Variants in UBXN1 observed in about 807,000 individuals in gnomAD.
UBXN1 encodes UBX domain protein 1.
In UBXN1, 21 loss-of-function variants were observed where a neutral mutation model predicts 42.0. The ratio of observed to expected loss-of-function variants is 0.50; its 90% CI spans 0.35 to 0.72. UBXN1 has a LOEUF of 0.72. Ranked by LOEUF, UBXN1 falls within the 30% of genes least tolerant of loss-of-function variation. The probability of loss-of-function intolerance (pLI) is 0.00; values close to 1 mark genes in which losing one functional copy is unlikely to be tolerated. For synonymous variants in UBXN1, 172 were observed against 142.6 expected (o/e 1.21, Z -1.47); for missense variants, 374 against 382.2 (o/e 0.98, Z 0.18).
rs532170857 is a variant in UBXN1, at chr11:62,678,061, C to T, written c.348G>A (p.Glu116=). Residue 116 remains glutamate, a synonymous_variant, in exon 5 of 9, where the codon GAG becomes GAA. Coordinates refer to ENST00000301935, the MANE Select transcript of UBXN1 (RefSeq NM_001286077.2). The part of the protein sequence containing the change: ...QREREEREER[E]ALERERQRRR... ...TGCGCTGCCGTTCCCGTTCCAATGC[C>T]TCCCGTTCCTCTCTTTCTTCACGCT... 65 of 1,614,176 alleles carry T rather than the reference C, an allele frequency of 4.0e-5. No individual in the cohort carries two copies. Among genetic ancestry groups the T allele is most frequent in the Non-Finnish European group, 4.7e-5 (56 of 1,180,042 alleles).
chr11:62,678,684 G>A lies in UBXN1; in HGVS notation c.113+6C>T. On this transcript the variant is annotated splice_donor_region_variant and intron_variant, in intron 2 of 8. Transcript: ENST00000301935. ...CAATTCTCCGCCACCCGGGACGAGCGCTTACCAGTCCATCGCAGCCTCGAT... is the reference window on the plus strand; with the variant it reads ...CAATTCTCCGCCACCCGGGACGAGCACTTACCAGTCCATCGCAGCCTCGAT... The A allele has an allele frequency of 1.3e-6, 2 of 1,591,426 alleles. No homozygotes were observed. Among genetic ancestry groups the A allele is most frequent in the Non-Finnish European group, 1.7e-6 (2 of 1,168,378 alleles).
At position 62,676,898 on chromosome 11, in the gene UBXN1, C is replaced by A. The variant is rs1299809501; in HGVS notation, c.759G>T (p.Gly253=). The change falls in exon 8 of 9, where the codon GGG becomes GGT. Residue 253 remains glycine, a synonymous_variant. Transcript: ENST00000301935. ...VELHRGEELG[G]GQDPVQLLSG... ...TGAGCAATTGCACAGGGTCCTGGCC[C>A]CCACCTAGTTCCTCCCCACGGTGGA... 2 of 1,613,814 alleles carry A rather than the reference C, an allele frequency of 1.2e-6. No individual in the cohort carries two copies. Among genetic ancestry groups the A allele is most frequent in the African/African-American group, 2.7e-5 (2 of 74,908 alleles).
Position 62,676,594 on chromosome 11 carries a change from C to T in UBXN1, c.890G>A (p.Ser297Asn). 2 of 1,605,698 alleles carry T rather than the reference C, an allele frequency of 1.2e-6. No homozygotes were observed. Among genetic ancestry groups the T allele is most frequent in the Non-Finnish European group, 1.7e-6 (2 of 1,177,324 alleles). ...AVLIVAKKCP[S>N] ...GGGACAATGGGACAAAGGCCCTCAG[C>T]TGGGACATTTCTTGGCCACAATGAG... The change falls in exon 9 of 9, where the codon AGC becomes AAC. Residue 297 changes from serine to asparagine, a missense_variant. Physicochemically the swap from Ser to Asn is conservative, Grantham distance 46. Coordinates refer to ENST00000301935, the MANE Select transcript of UBXN1 (RefSeq NM_001286077.2).
In UBXN1 at chr11:62,678,977, G is replaced by C. The variant is rs1945095195; in HGVS notation, c.-54C>G. On this transcript the variant is annotated 5_prime_UTR_variant, in exon 1 of 9. Coordinates refer to ENST00000301935, the MANE Select transcript of UBXN1 (RefSeq NM_001286077.2). ...CCTGGTGTGTGACGAGAAGGAGGGC[G>C]GGAAGGGTCAGCGCGAGGCAACCCG... is the stretch of plus-strand genomic sequence containing the variant. 1 of 1,536,898 alleles carries C rather than the reference G, an allele frequency of 6.5e-7. No individual in the cohort carries two copies. The highest frequency in any genetic ancestry group is 1.4e-5 in the African/African-American group (1 of 73,066).
In UBXN1 at chr11:62,678,847, G is replaced by C; in HGVS notation, c.59+18C>G. The C allele has an allele frequency of 6.2e-7, 1 of 1,608,212 alleles. No homozygotes were observed. Among genetic ancestry groups the C allele is most frequent in the Non-Finnish European group, 8.5e-7 (1 of 1,178,266 alleles). ...CGACCCCCCACACCCGCAGGCCGGG[G>C]TTGGGGAACTCCCTTACGCGCGTCC... On this transcript the variant is annotated intron_variant, in intron 1 of 8. Coordinates refer to ENST00000301935, the MANE Select transcript of UBXN1 (RefSeq NM_001286077.2).
Position 62,678,730 on chromosome 11 carries a change from C to A in UBXN1, c.73G>T (p.Ala25Ser). 6.5e-7 allele frequency: 1 copy of A among 1,538,508 alleles called. No homozygotes were observed. Among genetic ancestry groups the A allele is most frequent in the East Asian group, 2.6e-5 (1 of 38,538 alleles). ...TCGATGCCCTGGTTCCCTGTGAGGG[C>A]CAGAGCCTTCTCCCTGGGGGCAGAA... The part of the protein sequence containing the change: ...FPRGRAEKAL[A>S]LTGNQGIEAA... The change falls in exon 2 of 9, where the codon GCC becomes TCC. Residue 25 changes from alanine to serine, a missense_variant. Physicochemically the swap from Ala to Ser is moderately conservative, Grantham distance 99. Coordinates refer to ENST00000301935, the MANE Select transcript of UBXN1 (RefSeq NM_001286077.2).
At position 62,678,063 on chromosome 11, in the gene UBXN1, C is replaced by T. The variant is rs1488636523; in HGVS notation, c.346G>A (p.Glu116Lys). The change falls in exon 5 of 9, where the codon GAG becomes AAG. Residue 116 changes from glutamate to lysine, a missense_variant. By Grantham distance (56) the Glu-to-Lys change is moderately conservative (BLOSUM62 1). Coordinates refer to ENST00000301935, the MANE Select transcript of UBXN1 (RefSeq NM_001286077.2). Reference protein sequence around the residue: ...QREREEREEREALERERQRRR... With the variant: ...QREREEREERKALERERQRRR... ...CGCTGCCGTTCCCGTTCCAATGCCT[C>T]CCGTTCCTCTCTTTCTTCACGCTCC... The T allele has an allele frequency of 1.2e-6, 2 of 1,614,156 alleles. No individual in the cohort carries two copies. The highest frequency in any genetic ancestry group is 2.2e-5 in the South Asian group (2 of 91,078).
chr11:62,676,974 T>C lies in UBXN1; in HGVS notation c.683A>G (p.Gln228Arg), dbSNP rs1565134430. The C allele has an allele frequency of 6.2e-7, 1 of 1,611,528 alleles. No homozygotes were observed. The highest frequency in any genetic ancestry group is 8.5e-7 in the Non-Finnish European group (1 of 1,180,016). The change falls in exon 8 of 9, where the codon CAG becomes CGG. Residue 228 changes from glutamine (Q) to arginine (R), a missense_variant. Gln to Arg is a conservative substitution (Grantham distance 43). Transcript: ENST00000301935. The part of the protein sequence containing the change: ...VRLPDGTSLT[Q>R]TFRAREQLAA... ...CAGCTGTTCCCGGGCCCGGAACGTC[T>C]GGGTCAGTGAGGTCCCATCTGGCAG...
Position 62,678,408 on chromosome 11 carries a change from C to T in UBXN1, c.221G>A (p.Gly74Glu), listed in dbSNP as rs777299895. ...GCCTTCTCCGGCAGCAGAACCAGATCCTACAAACAAACAATCGGTATTATT... is the reference window on the plus strand; with the variant it reads ...GCCTTCTCCGGCAGCAGAACCAGATTCTACAAACAAACAATCGGTATTATT... ...PTSSEQGGLE[G>E]SGSAAGEGKP... Residue 74 changes from glycine to glutamate, a missense_variant and splice_region_variant, in exon 4 of 9, where the codon GGA becomes GAA. By Grantham distance (98) the Gly-to-Glu change is moderately conservative. Coordinates refer to ENST00000301935, the MANE Select transcript of UBXN1 (RefSeq NM_001286077.2). 2 of 1,614,136 alleles carry T rather than the reference C, an allele frequency of 1.2e-6. No homozygotes were observed. The highest frequency in any genetic ancestry group is 1.1e-5 in the South Asian group (1 of 91,082).
In UBXN1 at chr11:62,677,314, G is replaced by A. The variant is rs549581505; in HGVS notation, c.651+204C>T. 116 of 644,298 alleles carry A rather than the reference G, an allele frequency of 1.8e-4. 1 individual carries two copies. The highest frequency in any genetic ancestry group is 1.7e-3 in the South Asian group (89 of 52,030). The allele number at this position is 644,298 out of a possible 1,614,324, so 39.9% of individuals were successfully genotyped here. On this transcript the variant is annotated intron_variant, in intron 7 of 8. Transcript: ENST00000301935. ...GAACAAGTAAAAGGGTAACTGCTGA[G>A]TAAGAGAGAGGTATGGGTTTAAATA... is the stretch of plus-strand genomic sequence containing the variant.
rs1945026428 is a variant in UBXN1, at chr11:62,676,837, T to C, written c.820A>G (p.Met274Val). 9.3e-6 allele frequency: 15 copies of C among 1,614,154 alleles called. No homozygotes were observed. The highest frequency in any genetic ancestry group is 1.3e-5 in the Non-Finnish European group (15 of 1,180,018). Residue 274 changes from methionine to valine, a missense_variant, in exon 8 of 9, where the codon ATG (methionine) becomes GTG (valine). By Grantham distance (21) the Met-to-Val change is conservative. Transcript: ENST00000301935. ...FPRRAFSEAD[M>V]ERPLQELGLV... Reference sequence around the variant, plus strand: ...CCCAGCTCCTGCAGAGGCCGCTCCATGTCAGCTTCTGAGAAGGCCCGTCTG... The same window carrying C: ...CCCAGCTCCTGCAGAGGCCGCTCCACGTCAGCTTCTGAGAAGGCCCGTCTG...
intron 1 of UBXN1, 58 bp downstream of exon 1, chr11:62,678,807 G>T: frequency 1.2e-6 from 2 of 1,610,890 alleles, no homozygotes. Context: ...TGGGGCAAAG[G>T]CCGAGACAGG....
rs1227073186 is a variant in UBXN1 at position 62,676,542 on chromosome 11, C to T, written c.*48G>A. The T allele has an allele frequency of 1.3e-6, 2 of 1,544,534 alleles. No homozygotes were observed. The highest frequency in any genetic ancestry group is 8.7e-7 in the Non-Finnish European group (1 of 1,147,046). On this transcript the variant is annotated 3_prime_UTR_variant, in exon 9 of 9. Transcript: ENST00000301935. ...ATTTATTAGGAAGGAGATGTCAGTG[C>T]TTTATCAAAGATGAAGGGGTCACAG...
chr11:62,676,920 T>G lies in UBXN1; in HGVS notation c.737A>C (p.His246Pro), dbSNP rs1050383. Residue 246 changes from histidine (H) to proline (P), a missense_variant, in exon 8 of 9, where the codon CAC becomes CCC. By Grantham distance (77) the His-to-Pro change is moderately conservative (BLOSUM62 -2). Transcript: ENST00000301935. ...GCCCCCACCTAGTTCCTCCCCACGG[T>G]GGAGCTCCACATAGAGCCTCACAGC... Reference protein sequence around the residue: ...LAAVRLYVELHRGEELGGGQD... With the variant: ...LAAVRLYVELPRGEELGGGQD... 6.2e-7 allele frequency: 1 copy of G among 1,613,662 alleles called. No homozygotes were observed. Among genetic ancestry groups the G allele is most frequent in the Non-Finnish European group, 8.5e-7 (1 of 1,180,022 alleles).
chr11:62,676,775 C>G (rs1565134126), intron 8 of UBXN1, 38 bp downstream of exon 8: 1 of 1,614,202 alleles, frequency 6.2e-7, no homozygotes, highest in East Asian at 2.2e-5. Context: ...CCCTACTCCC[C>G]CAGTTTCTAG....
rs761031905 is a variant in UBXN1 at position 62,676,910 on chromosome 11, C to T, written c.747G>A (p.Glu249=). Residue 249 remains glutamate (E), a synonymous_variant, in exon 8 of 9, where the codon GAG becomes GAA. Coordinates refer to ENST00000301935, the MANE Select transcript of UBXN1 (RefSeq NM_001286077.2). ...VRLYVELHRG[E]ELGGGQDPVQ... ...CAGGGTCCTGGCCCCCACCTAGTTCCTCCCCACGGTGGAGCTCCACATAGA... is the reference window on the plus strand; with the variant it reads ...CAGGGTCCTGGCCCCCACCTAGTTCTTCCCCACGGTGGAGCTCCACATAGA... 7 of 1,613,856 alleles carry T rather than the reference C, an allele frequency of 4.3e-6. No individual in the cohort carries two copies. Among genetic ancestry groups the T allele is most frequent in the Non-Finnish European group, 5.9e-6 (7 of 1,180,044 alleles).
chr11:62,679,051 C>A lies in UBXN1; in HGVS notation c.-128G>T. The A allele has an allele frequency of 3.0e-6, 3 of 987,970 alleles. No individual in the cohort carries two copies. The highest frequency in any genetic ancestry group is 4.4e-6 in the Non-Finnish European group (3 of 682,932). The allele number at this position is 987,970 out of a possible 1,614,324, so 61.2% of individuals were successfully genotyped here. A position where few individuals can be genotyped will look rare whatever the true frequency, so the allele number is the denominator to read the frequency against. On this transcript the variant is annotated 5_prime_UTR_variant, in exon 1 of 9. Coordinates refer to ENST00000301935, the MANE Select transcript of UBXN1 (RefSeq NM_001286077.2). Reference sequence around the variant, plus strand: ...CTCGCTCTCTCACCCGGCTCTATAGCAGCCGGGAACACCGACGAGAAGAAA... The same window carrying A: ...CTCGCTCTCTCACCCGGCTCTATAGAAGCCGGGAACACCGACGAGAAGAAA...
At position 62,678,713 on chromosome 11, in the gene UBXN1, C is replaced by G; in HGVS notation, c.90G>C (p.Gln30His). The G allele has an allele frequency of 1.2e-6, 2 of 1,613,158 alleles. No individual in the cohort carries two copies. The highest frequency in any genetic ancestry group is 8.5e-7 in the Non-Finnish European group (1 of 1,179,972). The change falls in exon 2 of 9, where the codon CAG (glutamine) becomes CAC (histidine). Residue 30 changes from glutamine to histidine, a missense_variant. Physicochemically the swap from Gln to His is conservative, Grantham distance 24. Coordinates refer to ENST00000301935, the MANE Select transcript of UBXN1 (RefSeq NM_001286077.2). The part of the protein sequence containing the change: ...AEKALALTGN[Q>H]GIEAAMDWLM... ...ACCAGTCCATCGCAGCCTCGATGCC[C>G]TGGTTCCCTGTGAGGGCCAGAGCCT...
At position 62,676,627 on chromosome 11, in the gene UBXN1, G is replaced by A; in HGVS notation, c.857C>T (p.Ser286Phe). The A allele has an allele frequency of 6.2e-7, 1 of 1,613,698 alleles. No homozygotes were observed. The highest frequency in any genetic ancestry group is 8.5e-7 in the Non-Finnish European group (1 of 1,179,940). ...RPLQELGLVP[S>F]AVLIVAKKCP... is the part of the protein sequence containing the mutation. The stretch of plus-strand genomic sequence containing the variant: ...TTTCTTGGCCACAATGAGAACAGCA[G>A]AAGGCACGAGTCCTGAAGATGGAAG... Residue 286 changes from serine to phenylalanine, a missense_variant, in exon 9 of 9, where the codon TCT becomes TTT. By Grantham distance (155) the Ser-to-Phe change is radical (BLOSUM62 -2). Coordinates refer to ENST00000301935, the MANE Select transcript of UBXN1 (RefSeq NM_001286077.2).
Sources: allele counts gnomAD v4.1 joint callset, GRCh38; gene constraint gnomAD v4.1.1; transcripts MANE v1.5; gene names NCBI Gene and HGNC (gene_info 2026-07-23, HGNC 2026-07-21).